The following TNFSF4 variants were observed in gnomAD, a reference collection of about 807,000 sequenced individuals.
TNFSF4 encodes TNF superfamily member 4.
A neutral mutation model predicts 7.3 loss-of-function variants in TNFSF4; 4 were observed. The ratio of observed to expected loss-of-function variants is 0.55; its 90% CI spans 0.27 to 1.25. TNFSF4 has a LOEUF of 1.25. Ranked by LOEUF, TNFSF4 falls within the 50% of genes most tolerant of loss-of-function variation. The probability of loss-of-function intolerance (pLI) is 0.12; values close to 1 mark genes in which losing one functional copy is unlikely to be tolerated. For missense variants in TNFSF4, 181 were observed against 208.8 expected (o/e 0.87, Z 0.82); for synonymous variants, 76 against 83.7 (o/e 0.91, Z 0.50).
At chr1:173,366,796 A>ATATG in the TNFSF4 span, among the ~76,000 whole-genome samples, 5 of 14,566 alleles carry the variant, frequency 3.4e-4, no homozygotes, top group African/African-American at 8.8e-4. Flanking sequence ...AAAAATTAAA[A>ATATG]TATATATATG....
chr1:173,173,221 T>A, the TNFSF4 span, among the ~76,000 whole-genome samples: 1 of 152,170 alleles, frequency 6.6e-6, no homozygotes, highest in Non-Finnish European at 1.5e-5. Flanking sequence ...CTCCCAAATC[T>A]CCTGTTTCTC....
the TNFSF4 span, among the ~76,000 whole-genome samples, chr1:173,403,485 T>C: frequency 0.68 from 103,507 of 152,126 alleles, 35,209 homozygotes; most frequent in African/African-American, 0.72. Flanking sequence ...TTTATGTAAG[T>C]GCAGGGAACA....
At chr1:173,252,981 A>G in the TNFSF4 span, among the ~76,000 whole-genome samples, 1 of 152,206 alleles carries the variant, frequency 6.6e-6, no homozygotes, top group Non-Finnish European at 1.5e-5. Flanking sequence ...TGGTCAAACT[A>G]TAAAAGATTC....
chr1:173,308,285 C>CTCTGTGTG, the TNFSF4 span, among the ~76,000 whole-genome samples: 105 of 135,116 alleles, frequency 7.8e-4, 1 homozygote, highest in East Asian at 5.4e-3. Flanking sequence ...CTCTCTCTCT[C>CTCTGTGTG]TGTGTGTGTG....
chr1:173,272,035 A>T, the TNFSF4 span, among the ~76,000 whole-genome samples: 1 of 152,304 alleles, frequency 6.6e-6, no homozygotes, highest in Non-Finnish European at 1.5e-5. Flanking sequence ...GTATGAGTTC[A>T]TGTCCTTTGT....
At chr1:173,326,562 A>G in the TNFSF4 span, among the ~76,000 whole-genome samples, 2 of 152,184 alleles carry the variant, frequency 1.3e-5, no homozygotes, top group Non-Finnish European at 1.5e-5. Context: ...AATTAGGAAA[A>G]GAGGAAGTCA....
At chr1:173,286,547 T>C in the TNFSF4 span, among the ~76,000 whole-genome samples, 1 of 152,184 alleles carries the variant, frequency 6.6e-6, no homozygotes, top group Non-Finnish European at 1.5e-5. Flanking sequence ...ATATCCATTT[T>C]TGAAATTAAC....
At chr1:173,303,281 TTACCCATCTCAG>T in the TNFSF4 span, among the ~76,000 whole-genome samples, 4 of 151,876 alleles carry the variant, frequency 2.6e-5, no homozygotes, top group African/African-American at 9.7e-5. Context: ...TGCTTTTAGC[TTACCCATCTCAG>T]TGCCCCTGAA....
At chr1:173,246,233 C>T in the TNFSF4 span, among the ~76,000 whole-genome samples, 32,099 of 151,956 alleles carry the variant, frequency 0.21, 3,701 homozygotes, top group Admixed American at 0.32. Context: ...TGGTTTGCTG[C>T]ACCTATTAAC....
chr1:173,376,632 G>A, the TNFSF4 span, among the ~76,000 whole-genome samples: 6 of 152,262 alleles, frequency 3.9e-5, no homozygotes, highest in South Asian at 1.0e-3. Context: ...GTTTGTAAAT[G>A]CACCAATCAG....
At chr1:173,276,309 C>T in the TNFSF4 span, among the ~76,000 whole-genome samples, 1 of 152,148 alleles carries the variant, frequency 6.6e-6, no homozygotes, top group African/African-American at 2.4e-5. Context: ...AAGACACTCT[C>T]TAAGCTATAG....
At chr1:173,408,538 CA>C in the TNFSF4 span, among the ~76,000 whole-genome samples, 7 of 150,918 alleles carry the variant, frequency 4.6e-5, no homozygotes, top group East Asian at 1.4e-3. Context: ...TGGTTTCAGA[CA>C]AGAAATATCA....
chr1:173,314,172 C>T, the TNFSF4 span, among the ~76,000 whole-genome samples: 1 of 152,092 alleles, frequency 6.6e-6, no homozygotes, highest in Non-Finnish European at 1.5e-5. Flanking sequence ...GGCGACCTCC[C>T]TTTTGCCCGT....
At chr1:173,362,922 C>A in the TNFSF4 span, 1 of 463,698 alleles carries the variant, frequency 2.2e-6, no homozygotes, top group South Asian at 1.8e-5. Flanking sequence ...ATAATGTACT[C>A]GTGCACCAAA....
chr1:173,288,310 C>T, the TNFSF4 span, among the ~76,000 whole-genome samples: 6 of 152,110 alleles, frequency 3.9e-5, no homozygotes, highest in Non-Finnish European at 8.8e-5. Flanking sequence ...GTGGCATGCA[C>T]CTGTAGACCC....
chr1:173,283,297 C>A, the TNFSF4 span, among the ~76,000 whole-genome samples: 14 of 152,046 alleles, frequency 9.2e-5, no homozygotes, highest in South Asian at 2.1e-4. Flanking sequence ...CCTTTCCCCC[C>A]CCAAAAAAGA....
chr1:173,239,451 T>C, the TNFSF4 span, among the ~76,000 whole-genome samples: 1 of 152,202 alleles, frequency 6.6e-6, no homozygotes, highest in Admixed American at 6.5e-5. Flanking sequence ...TGTCCACCCA[T>C]AGTGTCACAA....
chr1:173,415,488 C>T, the TNFSF4 span, among the ~76,000 whole-genome samples: 1,181 of 152,286 alleles, frequency 7.8e-3, 18 homozygotes, highest in African/African-American at 0.027. Context: ...CAGACTCAAT[C>T]GGAACCACCC....
the TNFSF4 span, among the ~76,000 whole-genome samples, chr1:173,267,288 T>C: frequency 6.6e-6 from 1 of 152,164 alleles, no homozygotes; most frequent in African/African-American, 2.4e-5. Flanking sequence ...TATATTGAAG[T>C]TCATGAGATC....
Sources: allele counts gnomAD v4.1 joint callset (sites outside exome capture counted in the v4.1 genomes callset), GRCh38; gene constraint gnomAD v4.1.1; transcripts MANE v1.5; gene names NCBI Gene and HGNC (gene_info 2026-07-23, HGNC 2026-07-21).